PDCD10: variants seen among roughly 807,000 people sequenced by gnomAD.
The protein encoded by PDCD10 is programmed cell death 10, also known as programmed cell death protein 10.
PDCD10 carries 4 observed loss-of-function variants against 29.2 expected under a neutral mutation model. The ratio of observed to expected loss-of-function variants is 0.14; its 90% CI spans 0.07 to 0.31. PDCD10 has a LOEUF of 0.31. PDCD10 is among the 10% of genes least tolerant of loss of function. The probability of loss-of-function intolerance (pLI) is 1.00; values close to 1 mark genes in which losing one functional copy is unlikely to be tolerated. For missense variants in PDCD10, 183 were observed against 257.9 expected (o/e 0.71, Z 1.99); for synonymous variants, 70 against 82.2 (o/e 0.85, Z 0.80).
chr3:167,691,304 AG>A (rs1720205876), intron 6 of PDCD10, among the ~76,000 whole-genome samples: 1 of 152,228 alleles, frequency 6.6e-6, no homozygotes, highest in African/African-American at 2.4e-5. Flanking sequence ...CAAACTTGCC[AG>A]GGCAAATTAT....
At chr3:167,708,192 A>T (rs1722179299) in intron 3 of PDCD10, among the ~76,000 whole-genome samples, 1 of 151,842 alleles carries the variant, frequency 6.6e-6, no homozygotes, top group Non-Finnish European at 1.5e-5. Flanking sequence ...TGGAGAGGAC[A>T]TTTGTTGTTT....
At chr3:167,707,800 A>G (rs766190188) in intron 3 of PDCD10, among the ~76,000 whole-genome samples, 11 of 152,208 alleles carry the variant, frequency 7.2e-5, no homozygotes, top group Non-Finnish European at 1.6e-4. Context: ...TTGTGACTGC[A>G]CCTTGCATTA....
intron 6 of PDCD10, among the ~76,000 whole-genome samples, chr3:167,692,912 C>T (rs1199336946): frequency 2.0e-5 from 3 of 152,134 alleles, no homozygotes; most frequent in South Asian, 4.1e-4. Context: ...AGCAAGACTC[C>T]GTCTCAAAAA....
At chr3:167,692,338 G>A (rs1720334802) in intron 6 of PDCD10, among the ~76,000 whole-genome samples, 2 of 152,150 alleles carry the variant, frequency 1.3e-5, no homozygotes, top group South Asian at 4.2e-4. Context: ...TTCATAAAGT[G>A]CATCCATATA....
At chr3:167,701,669 A>T (rs1209937471) in intron 4 of PDCD10, among the ~76,000 whole-genome samples, 1 of 152,210 alleles carries the variant, frequency 6.6e-6, no homozygotes, top group Admixed American at 6.5e-5. Flanking sequence ...AGCTCATTAT[A>T]CATGGAACCA....
intron 4 of PDCD10, among the ~76,000 whole-genome samples, chr3:167,701,869 G>A (rs937394228): frequency 1.3e-5 from 2 of 152,052 alleles, no homozygotes; most frequent in Admixed American, 6.6e-5. Flanking sequence ...ACAGAGCCAC[G>A]GAAATCATGA....
At chr3:167,731,708 T>C (rs184614642) in intron 2 of PDCD10, among the ~76,000 whole-genome samples, 1 of 152,260 alleles carries the variant, frequency 6.6e-6, no homozygotes, top group Admixed American at 6.5e-5. Flanking sequence ...GAGCTTATAG[T>C]CCAGTGAGGA....
chr3:167,711,701 A>C (rs1210334588), intron 3 of PDCD10, among the ~76,000 whole-genome samples: 3 of 152,174 alleles, frequency 2.0e-5, no homozygotes, highest in African/African-American at 7.2e-5. Context: ...AATCCAAAGA[A>C]GACTGTGTCG....
intron 3 of PDCD10, among the ~76,000 whole-genome samples, chr3:167,709,817 AC>A (rs1722352293): frequency 6.6e-6 from 1 of 151,766 alleles, no homozygotes; most frequent in Admixed American, 6.6e-5. Context: ...AGAATAAGAG[AC>A]TCCTTCCTTC....
chr3:167,713,092 T>C (rs188912442), intron 3 of PDCD10, among the ~76,000 whole-genome samples: 4 of 152,132 alleles, frequency 2.6e-5, no homozygotes, highest in South Asian at 4.1e-4. Context: ...ATCTGCACTA[T>C]AGACAAATGA....
At chr3:167,696,873 C>A in intron 5 of PDCD10, 136 bp downstream of exon 5, 2 of 724,534 alleles carry the variant, frequency 2.8e-6, no homozygotes, top group Non-Finnish European at 5.1e-6. Flanking sequence ...ATCACCACCA[C>A]CACCATCATC....
chr3:167,705,310 T>A (rs1259799078), intron 3 of PDCD10, among the ~76,000 whole-genome samples: 1 of 152,148 alleles, frequency 6.6e-6, no homozygotes, highest in Non-Finnish European at 1.5e-5. Flanking sequence ...ATTTTTTCAG[T>A]CCTTAAGGAT....
At chr3:167,694,892 C>T (rs1401794633) in intron 6 of PDCD10, among the ~76,000 whole-genome samples, 1 of 152,254 alleles carries the variant, frequency 6.6e-6, no homozygotes, top group African/African-American at 2.4e-5. Context: ...TCACCAAAAC[C>T]ATGCATTGAT....
chr3:167,730,284 C>T (rs1227187543), intron 2 of PDCD10, among the ~76,000 whole-genome samples: 3 of 152,038 alleles, frequency 2.0e-5, no homozygotes, highest in Admixed American at 6.5e-5. Context: ...AATGCAATAA[C>T]ATAGATAACA....
intron 4 of PDCD10, chr3:167,697,794 C>G (rs1720966043): frequency 2.6e-6 from 1 of 384,942 alleles, no homozygotes; most frequent in African/African-American, 2.1e-5. Flanking sequence ...CTTAGACTCC[C>G]CAAGACACTA....
chr3:167,698,686 T>A (rs1721063738), intron 4 of PDCD10, among the ~76,000 whole-genome samples: 1 of 152,230 alleles, frequency 6.6e-6, no homozygotes, highest in Non-Finnish European at 1.5e-5. Context: ...TAACAATACT[T>A]TATCTTATCT....
intron 3 of PDCD10, among the ~76,000 whole-genome samples, chr3:167,711,710 C>T (rs917935210): frequency 1.3e-5 from 2 of 151,864 alleles, no homozygotes; most frequent in African/African-American, 2.4e-5. Flanking sequence ...AAGACTGTGT[C>T]GAGGCATTTA....
chr3:167,718,140 A>AT (rs1723195638), intron 3 of PDCD10, among the ~76,000 whole-genome samples: 1 of 152,140 alleles, frequency 6.6e-6, no homozygotes, highest in South Asian at 2.1e-4. Flanking sequence ...TGTTACCAAG[A>AT]TAGGTTACTC....
rs146276502 is a variant in PDCD10, at chr3:167,707,000, A to T, written c.97-2105T>A. On this transcript the variant is annotated intron_variant, in intron 3 of 8. Transcript: ENST00000392750. The stretch of plus-strand genomic sequence containing the variant: ...CCCTGTACTCACTCTTCCAGACTGG[A>T]GTCCACTCTGTCACTGAATATCTTC... Among the ~76,000 whole-genome samples, 10 of 152,296 alleles carry T rather than the reference A, an allele frequency of 6.6e-5. No homozygotes were observed. In the East Asian group the frequency reaches 1.9e-3, roughly 29 times the overall value.
Sources: gnomAD v4.1 joint callset for allele counts (sites outside exome capture counted in the v4.1 genomes callset) on GRCh38, gnomAD v4.1.1 for gene constraint, MANE v1.5 for transcripts, NCBI Gene and HGNC (gene_info 2026-07-23, HGNC 2026-07-21) for gene names.